Variants in PRELID2 observed in about 807,000 individuals in gnomAD.
PRELID2 encodes the protein PRELI domain-containing protein 2.
PRELID2 carries 25 observed loss-of-function variants against 28.4 expected under a neutral mutation model. That is an observed-to-expected ratio of 0.88 (90% CI 0.64 to 1.23). PRELID2 has a LOEUF of 1.23. Among genes scored for constraint, PRELID2 ranks in the 50% most tolerant of loss-of-function variants. The probability of loss-of-function intolerance (pLI) is 0.00; values close to 1 mark genes in which losing one functional copy is unlikely to be tolerated. For missense variants in PRELID2, 201 were observed against 214.4 expected, an observed-to-expected ratio of 0.94 and a Z score of 0.39; for synonymous variants, 76 against 71.6, an observed-to-expected ratio of 1.06 and a Z score of -0.31.
At chr5:145,769,403 T>C (rs1757968096) in intron 5 of PRELID2, among the ~76,000 whole-genome samples, 1 of 152,012 alleles carries the variant, frequency 6.6e-6, no homozygotes, top group South Asian at 2.1e-4. Context: ...ACTCTAAGAG[T>C]CTCAGAAATA....
chr5:145,398,880 C>T, the PRELID2 span, among the ~76,000 whole-genome samples: 1 of 152,034 alleles, frequency 6.6e-6, no homozygotes, highest in African/African-American at 2.4e-5. Flanking sequence ...GACATTTTAG[C>T]TCCACCCTAA....
At chr5:145,488,788 G>A (rs574581212) in intron 1 of PRELID2, among the ~76,000 whole-genome samples, 4 of 151,956 alleles carry the variant, frequency 2.6e-5, no homozygotes, top group Admixed American at 6.6e-5. Flanking sequence ...GGCCTCTTAC[G>A]ACCTAGTAGT....
the PRELID2 span, among the ~76,000 whole-genome samples, chr5:145,457,702 G>C: frequency 6.6e-6 from 1 of 152,138 alleles, no homozygotes; most frequent in Non-Finnish European, 1.5e-5. Context: ...TACCTCCAAA[G>C]CTTTTCTGTA....
chr5:145,304,153 T>C, the PRELID2 span, among the ~76,000 whole-genome samples: 1 of 152,120 alleles, frequency 6.6e-6, no homozygotes, highest in African/African-American at 2.4e-5. Flanking sequence ...TAAATAAAAA[T>C]AAAACATAAT....
At chr5:145,443,790 G>A in the PRELID2 span, among the ~76,000 whole-genome samples, 8 of 151,950 alleles carry the variant, frequency 5.3e-5, no homozygotes, top group Non-Finnish European at 1.2e-4. Context: ...GACTTTCCCA[G>A]GCTCACATAG....
intron 1 of PRELID2, among the ~76,000 whole-genome samples, chr5:145,723,135 T>C (rs1756037857): frequency 6.6e-6 from 1 of 152,006 alleles, no homozygotes; most frequent in Non-Finnish European, 1.5e-5. Flanking sequence ...AATGCAAAAA[T>C]AGTAAATATT....
intron 1 of PRELID2, among the ~76,000 whole-genome samples, chr5:145,516,625 A>G (rs1350929575): frequency 6.6e-6 from 1 of 152,154 alleles, no homozygotes; most frequent in African/African-American, 2.4e-5. Context: ...TTTACAGAGT[A>G]GAAAAAAACT....
intron 1 of PRELID2, among the ~76,000 whole-genome samples, chr5:145,738,267 C>T (rs1756553625): frequency 6.6e-6 from 1 of 151,992 alleles, no homozygotes; most frequent in Admixed American, 6.6e-5. Context: ...AACATAATAC[C>T]CAAAATATCC....
At chr5:145,280,009 C>T in the PRELID2 span, among the ~76,000 whole-genome samples, 2 of 152,084 alleles carry the variant, frequency 1.3e-5, no homozygotes, top group African/African-American at 2.4e-5. Context: ...TACATCAACA[C>T]ACGTTTTTCG....
chr5:145,340,799 A>ATC, the PRELID2 span, among the ~76,000 whole-genome samples: 1 of 134,922 alleles, frequency 7.4e-6, no homozygotes, highest in Admixed American at 7.5e-5. Flanking sequence ...ATATATATAT[A>ATC]TCCTCCCTAT....
At chr5:145,701,361 A>G (rs1177389289) in intron 1 of PRELID2, among the ~76,000 whole-genome samples, 5 of 152,238 alleles carry the variant, frequency 3.3e-5, no homozygotes, top group Non-Finnish European at 7.3e-5. Context: ...TTGATAAGAG[A>G]GAATTTGACC....
At chr5:145,600,420 GAAAAA>G (rs35455268) in intron 1 of PRELID2, among the ~76,000 whole-genome samples, 8 of 124,176 alleles carry the variant, frequency 6.4e-5, no homozygotes, top group East Asian at 2.2e-4. Context: ...CTCAGGGGGG[GAAAAA>G]AAAAAAAAAA....
intron 1 of PRELID2, among the ~76,000 whole-genome samples, chr5:145,569,485 G>T (rs1046613736): frequency 7.9e-5 from 12 of 151,900 alleles, no homozygotes; most frequent in African/African-American, 7.3e-5. Flanking sequence ...CTTGGCTTTT[G>T]ACTTCCTAAA....
At chr5:145,521,419 T>C (rs1163302581) in intron 1 of PRELID2, among the ~76,000 whole-genome samples, 1 of 152,142 alleles carries the variant, frequency 6.6e-6, no homozygotes, top group African/African-American at 2.4e-5. Flanking sequence ...AGGGGCTCTG[T>C]GGAAAACTGG....
the PRELID2 span, among the ~76,000 whole-genome samples, chr5:145,397,883 G>A: frequency 1.3e-5 from 2 of 152,122 alleles, no homozygotes; most frequent in Non-Finnish European, 2.9e-5. Context: ...TAGTTGTGGC[G>A]GGAATATATT....
At chr5:145,725,013 G>C in intron 1 of PRELID2, among the ~76,000 whole-genome samples, 1 of 151,850 alleles carries the variant, frequency 6.6e-6, no homozygotes, top group Non-Finnish European at 1.5e-5. Flanking sequence ...AACGTGCTGG[G>C]ATTAGAGGTA....
At chr5:145,484,997 G>C (rs1363551) in intron 1 of PRELID2, among the ~76,000 whole-genome samples, 41,700 of 152,006 alleles carry the variant, frequency 0.27, 5,942 homozygotes, top group South Asian at 0.37. Flanking sequence ...AGAGAAATTC[G>C]TCGTTGTCAT....
chr5:145,384,043 G>A, the PRELID2 span, among the ~76,000 whole-genome samples: 1 of 152,110 alleles, frequency 6.6e-6, no homozygotes, highest in African/African-American at 2.4e-5. Flanking sequence ...CTAACGGCCA[G>A]TATGCACATG....
chr5:145,587,804 C>A (rs2149628910), intron 1 of PRELID2, among the ~76,000 whole-genome samples: 1 of 152,232 alleles, frequency 6.6e-6, no homozygotes, highest in East Asian at 1.9e-4. Context: ...CTCAGATTTT[C>A]CCTGGATGAC....
Sources: allele counts gnomAD v4.1 joint callset (sites outside exome capture counted in the v4.1 genomes callset), GRCh38; gene constraint gnomAD v4.1.1; transcripts MANE v1.5; gene names NCBI Gene and HGNC (gene_info 2026-07-23, HGNC 2026-07-21).